Variants in NCKAP5 observed in about 807,000 individuals in gnomAD.
NCKAP5 encodes the protein nck-associated protein 5.
NCKAP5 carries 92 observed loss-of-function variants against 167.0 expected under a neutral mutation model. The observed-to-expected ratio is 0.55, with a 90% CI of 0.47 to 0.66. The LOEUF is 0.66. NCKAP5 is among the 30% of genes least tolerant of loss of function. The pLI is 0.00. For missense variants in NCKAP5, 2,378 were observed against 2,315.0 expected, an observed-to-expected ratio of 1.03 and a Z score of -0.56; for synonymous variants, 891 against 877.4, an observed-to-expected ratio of 1.02 and a Z score of -0.27.
intron 11 of NCKAP5, among the ~76,000 whole-genome samples, chr2:132,812,363 C>T (rs912590719): frequency 6.6e-6 from 1 of 152,180 alleles, no homozygotes; most frequent in Non-Finnish European, 1.5e-5. Context: ...CTATTATCAA[C>T]TCCATTTTTC....
At chr2:133,599,224 G>A in the NCKAP5 span, among the ~76,000 whole-genome samples, 1 of 152,208 alleles carries the variant, frequency 6.6e-6, no homozygotes, top group South Asian at 2.1e-4. Context: ...AAAAGAGATG[G>A]CAGATGTTTC....
chr2:133,266,426 G>A (rs1012205029), intron 4 of NCKAP5: 1 of 152,770 alleles, frequency 6.5e-6, no homozygotes, highest in Non-Finnish European at 1.5e-5. Flanking sequence ...GAACGGGGTA[G>A]TGGGAGCCAG....
chr2:133,239,286 T>G (rs1479054113), intron 4 of NCKAP5, among the ~76,000 whole-genome samples: 1 of 152,182 alleles, frequency 6.6e-6, no homozygotes, highest in Non-Finnish European at 1.5e-5. Context: ...ACAATTTCAG[T>G]GAATAGCTCA....
chr2:132,816,366 T>C (rs1210955272), intron 11 of NCKAP5, among the ~76,000 whole-genome samples: 2 of 152,088 alleles, frequency 1.3e-5, no homozygotes, highest in Non-Finnish European at 2.9e-5. Context: ...AGGTAAATGC[T>C]TCAGTAGGTT....
At chr2:133,388,292 T>C (rs190194684) in intron 3 of NCKAP5, among the ~76,000 whole-genome samples, 54 of 152,312 alleles carry the variant, frequency 3.5e-4, no homozygotes, top group African/African-American at 1.2e-3. Context: ...TCTGTTGGGG[T>C]TTGCTGGAAG....
intron 3 of NCKAP5, among the ~76,000 whole-genome samples, chr2:133,347,516 G>A (rs902253205): frequency 2.0e-5 from 3 of 151,984 alleles, no homozygotes; most frequent in African/African-American, 7.3e-5. Flanking sequence ...TTATGCCATT[G>A]CATTCTAGCC....
At chr2:133,018,370 C>T (rs1046652465) in intron 6 of NCKAP5, among the ~76,000 whole-genome samples, 1 of 152,158 alleles carries the variant, frequency 6.6e-6, no homozygotes, top group Admixed American at 6.5e-5. Context: ...AGGAGTTACC[C>T]TCCCCAAGAG....
chr2:133,177,435 A>C (rs924168326), intron 5 of NCKAP5, among the ~76,000 whole-genome samples: 1 of 152,112 alleles, frequency 6.6e-6, no homozygotes, highest in African/African-American at 2.4e-5. Context: ...TGTACTGTCC[A>C]AGCCATTCAT....
chr2:133,631,530 C>T, the NCKAP5 span, among the ~76,000 whole-genome samples: 1 of 152,114 alleles, frequency 6.6e-6, no homozygotes, highest in African/African-American at 2.4e-5. Context: ...CATTGCTTGT[C>T]CTTAAAGAGA....
intron 5 of NCKAP5, among the ~76,000 whole-genome samples, chr2:133,178,504 CAAAAAAAAAAAAAAAAAAAAAAAAA>C (rs869253241): frequency 4.2e-5 from 1 of 23,942 alleles, no homozygotes; most frequent in African/African-American, 2.7e-4. Flanking sequence ...GACCCTGTCT[CAAAAAAAAAAAAAAAAAAAAAAAAA>C]AAAAAAAAAA....
intron 3 of NCKAP5, among the ~76,000 whole-genome samples, chr2:133,467,866 T>C (rs1692722085): frequency 1.5e-5 from 2 of 134,950 alleles, no homozygotes; most frequent in African/African-American, 5.7e-5. Flanking sequence ...ATCCCCTTTA[T>C]CATTTTTTAT....
At chr2:133,516,977 T>C (rs1437424171) in intron 3 of NCKAP5, among the ~76,000 whole-genome samples, 1 of 152,222 alleles carries the variant, frequency 6.6e-6, no homozygotes, top group African/African-American at 2.4e-5. Context: ...ATAATATTCA[T>C]CAGCATTAAA....
intron 4 of NCKAP5, among the ~76,000 whole-genome samples, chr2:133,249,998 T>TTATTATTATTATTA (rs2088220687): frequency 7.2e-6 from 1 of 138,226 alleles, no homozygotes; most frequent in East Asian, 2.1e-4. Flanking sequence ...CACCAAGGGT[T>TTATTATTATTATTA]TTATTATTAT....
intron 3 of NCKAP5, among the ~76,000 whole-genome samples, chr2:133,441,265 C>A (rs1271852594): frequency 6.6e-6 from 1 of 152,154 alleles, no homozygotes; most frequent in African/African-American, 2.4e-5. Context: ...ATGGAGTTGA[C>A]GCTATACCTG....
At chr2:133,275,762 G>C (rs1185615856) in intron 4 of NCKAP5, among the ~76,000 whole-genome samples, 1 of 150,504 alleles carries the variant, frequency 6.6e-6, no homozygotes, top group Non-Finnish European at 1.5e-5. Flanking sequence ...GGAATTAAGG[G>C]TAACAGTAAA....
chr2:133,472,484 C>T (rs1281834496), intron 3 of NCKAP5, among the ~76,000 whole-genome samples: 2 of 151,924 alleles, frequency 1.3e-5, no homozygotes, highest in Non-Finnish European at 2.9e-5. Context: ...TTCTCCTCTC[C>T]TTTTTAGGCT....
intron 8 of NCKAP5, among the ~76,000 whole-genome samples, chr2:132,951,150 G>C (rs779835709): frequency 6.6e-6 from 1 of 152,146 alleles, no homozygotes; most frequent in African/African-American, 2.4e-5. Context: ...GTTACAAGCT[G>C]TATCTTCTTT....
intron 3 of NCKAP5, among the ~76,000 whole-genome samples, chr2:133,322,370 T>C (rs1356216505): frequency 6.6e-6 from 1 of 152,212 alleles, no homozygotes; most frequent in Non-Finnish European, 1.5e-5. Context: ...CAGAGGCAGG[T>C]AGAAATGAAA....
intron 3 of NCKAP5, among the ~76,000 whole-genome samples, chr2:133,425,488 G>T (rs1202770631): frequency 6.6e-6 from 1 of 152,110 alleles, no homozygotes; most frequent in Non-Finnish European, 1.5e-5. Flanking sequence ...AGCATTTCAG[G>T]CCTAGATAAC....
Sources: gnomAD v4.1 joint callset for allele counts (sites outside exome capture counted in the v4.1 genomes callset) on GRCh38, gnomAD v4.1.1 for gene constraint, MANE v1.5 for transcripts, NCBI Gene and HGNC (gene_info 2026-07-23, HGNC 2026-07-21) for gene names.